The following LRP1B variants were observed in gnomAD, a reference collection of about 807,000 sequenced individuals.
LRP1B encodes the protein low-density lipoprotein receptor-related protein 1B.
LRP1B carries 217 observed loss-of-function variants against 556.6 expected under a neutral mutation model. That is an observed-to-expected ratio of 0.39 (90% confidence interval 0.35 to 0.44). The LOEUF is 0.44. LRP1B is among the 20% of genes least tolerant of loss of function. The pLI, the probability that LRP1B is intolerant of heterozygous loss-of-function variation, is 1.00. For missense variants in LRP1B, 5,053 were observed against 5,620.8 expected, an observed-to-expected ratio of 0.90 and a Z score of 3.23; for synonymous variants, 2,047 against 1,865.8, an observed-to-expected ratio of 1.10 and a Z score of -2.50.
rs564162250 is a variant in LRP1B at position 140,777,587 on chromosome 2, G to A, written c.5360-1349C>T. ...CAGTCCTTCTTTGTTAAACATCACAGGAAATCAAGGATCTCCAGCTCAATG... is the reference window on the plus strand; with the variant it reads ...CAGTCCTTCTTTGTTAAACATCACAAGAAATCAAGGATCTCCAGCTCAATG... On this transcript the variant is annotated intron_variant, in intron 32 of 90. Coordinates refer to ENST00000389484, the MANE Select transcript of LRP1B (RefSeq NM_018557.3). Among the ~76,000 whole-genome samples the A allele has an allele frequency of 3.9e-5, 6 of 152,154 alleles. No individual in the cohort carries two copies. The South Asian group carries it at 1.2e-3, about 32-fold the overall frequency.
Position 140,506,916 on chromosome 2 carries a change from G to A in LRP1B, c.8401C>T (p.Pro2801Ser), listed in dbSNP as rs1240481700. The A allele has an allele frequency of 1.2e-6, 2 of 1,613,208 alleles. No individual in the cohort carries two copies. The highest frequency in any genetic ancestry group is 1.1e-5 in the South Asian group (1 of 90,912). The change falls in exon 53 of 91, where the codon CCC becomes TCC. Residue 2801 changes from proline (P) to serine (S), a missense_variant and splice_region_variant. This residue lies in a region of LRP1B where 3,619 missense variants were observed against 3,931.9 expected (regional missense o/e 0.92). Coordinates refer to ENST00000389484, the MANE Select transcript of LRP1B (RefSeq NM_018557.3). ...GCATTTTCATCACATGTATTATTGG[G>A]AGCTAAGAAAGGCATCACAAAAAAT... ...SDELSTAGCA[P>S]NNTCDENAFM...
chr2:141,893,947 C>T (rs922515399), intron 1 of LRP1B, among the ~76,000 whole-genome samples: 1 of 151,768 alleles, frequency 6.6e-6, no homozygotes, highest in African/African-American at 2.4e-5. Flanking sequence ...TTCTTTCTCT[C>T]TCTTTCTCTC....
chr2:141,116,351 G>T (rs753949456), intron 7 of LRP1B, among the ~76,000 whole-genome samples: 5 of 152,146 alleles, frequency 3.3e-5, no homozygotes, highest in Non-Finnish European at 7.4e-5. Flanking sequence ...CAAATACTCA[G>T]TGTTGTTTTT....
At chr2:141,982,622 T>G (rs769570531) in intron 1 of LRP1B, among the ~76,000 whole-genome samples, 1 of 152,190 alleles carries the variant, frequency 6.6e-6, no homozygotes, top group Non-Finnish European at 1.5e-5. Context: ...GTGGGAAATA[T>G]TGAAGTATTA....
At chr2:141,399,502 T>A (rs1192704760) in intron 3 of LRP1B, among the ~76,000 whole-genome samples, 1 of 152,168 alleles carries the variant, frequency 6.6e-6, no homozygotes, top group Non-Finnish European at 1.5e-5. Flanking sequence ...ATCCCCAAAC[T>A]GCAGATCTTT....
At chr2:141,768,873 ATG>A (rs57439402) in intron 2 of LRP1B, among the ~76,000 whole-genome samples, 2 of 150,750 alleles carry the variant, frequency 1.3e-5, no homozygotes, top group East Asian at 1.9e-4. Context: ...AGATACAGAT[ATG>A]TGTGTGTGTG....
intron 2 of LRP1B, among the ~76,000 whole-genome samples, chr2:141,748,203 G>C (rs1253426218): frequency 6.6e-6 from 1 of 152,046 alleles, no homozygotes; most frequent in Non-Finnish European, 1.5e-5. Context: ...GTGTGACCTT[G>C]GGTAAATTAT....
At chr2:140,377,020 C>T (rs1386973337) in intron 68 of LRP1B, among the ~76,000 whole-genome samples, 3 of 152,072 alleles carry the variant, frequency 2.0e-5, no homozygotes, top group African/African-American at 4.8e-5. Context: ...ACCAGAGCAG[C>T]GGAGCTTTAG....
Position 140,501,860 on chromosome 2 carries a change from T to G in LRP1B, c.8677A>C (p.Ser2893Arg). 1 of 1,605,850 alleles carries G rather than the reference T, an allele frequency of 6.2e-7. No individual in the cohort carries two copies. Among genetic ancestry groups the G allele is most frequent in the Non-Finnish European group, 8.5e-7 (1 of 1,175,510 alleles). Residue 2893 changes from serine to arginine, a missense_variant, in exon 55 of 91, where the codon AGT (serine) becomes CGT (arginine). By Grantham distance (110) the Ser-to-Arg change is moderately radical. Around this residue, in one of 5 missense-constraint regions of LRP1B, gnomAD observed 3,619 missense variants for 3,931.9 expected, o/e 0.92. Transcript: ENST00000389484. ...KCKSAEQSCN[S>R]SFFMCKNGRC... ...CCATTTTTGCACATAAAAAATGAAC[T>G]GTTGCATGACTGTTCTGGAAAAAAA...
At chr2:141,279,687 C>G (rs765871570) in intron 3 of LRP1B, among the ~76,000 whole-genome samples, 11 of 152,194 alleles carry the variant, frequency 7.2e-5, no homozygotes, top group Admixed American at 1.3e-4. Context: ...ACAAGCTATC[C>G]TCTCAACGAA....
intron 1 of LRP1B, among the ~76,000 whole-genome samples, chr2:142,090,922 A>T (rs1332833941): frequency 6.6e-6 from 1 of 152,132 alleles, no homozygotes; most frequent in Non-Finnish European, 1.5e-5. Context: ...TTAATTTAAA[A>T]TAATAATTTG....
intron 25 of LRP1B, among the ~76,000 whole-genome samples, chr2:140,878,516 GAAAT>G (rs1468904587): frequency 6.6e-6 from 1 of 152,038 alleles, no homozygotes; most frequent in Non-Finnish European, 1.5e-5. Context: ...TAATGAATAT[GAAAT>G]AAATTAAATC....
At chr2:141,733,625 T>C (rs552690229) in intron 2 of LRP1B, among the ~76,000 whole-genome samples, 21 of 152,274 alleles carry the variant, frequency 1.4e-4, no homozygotes, top group African/African-American at 4.6e-4. Flanking sequence ...CTGATCCATC[T>C]ATTGCTTACG....
intron 1 of LRP1B, among the ~76,000 whole-genome samples, chr2:141,911,200 A>G (rs1699899654): frequency 1.3e-5 from 2 of 152,214 alleles, no homozygotes; most frequent in African/African-American, 4.8e-5. Flanking sequence ...GCTATGATAC[A>G]AATTAAATAT....
intron 3 of LRP1B, among the ~76,000 whole-genome samples, chr2:141,439,212 T>C (rs1573946127): frequency 6.6e-6 from 1 of 152,234 alleles, no homozygotes; most frequent in Non-Finnish European, 1.5e-5. Flanking sequence ...AAATCATTTA[T>C]TATGTACTAC....
intron 1 of LRP1B, among the ~76,000 whole-genome samples, chr2:142,045,262 T>A (rs72853692): frequency 0.071 from 10,752 of 151,830 alleles, 501 homozygotes; most frequent in Non-Finnish European, 0.094. Flanking sequence ...GATTTCTACT[T>A]TTAAATCACT....
At chr2:140,611,129 G>GAAT (rs1209875122) in intron 41 of LRP1B, among the ~76,000 whole-genome samples, 2 of 152,180 alleles carry the variant, frequency 1.3e-5, no homozygotes, top group Non-Finnish European at 2.9e-5. Flanking sequence ...TCTACAGGTA[G>GAAT]AATACTAGAA....
chr2:141,227,911 A>G (rs1351394832), intron 6 of LRP1B, among the ~76,000 whole-genome samples: 1 of 152,054 alleles, frequency 6.6e-6, no homozygotes, highest in African/African-American at 2.4e-5. Context: ...TTGATTGTAC[A>G]CATGTCTCTT....
chr2:140,247,091 C>T lies in LRP1B; in HGVS notation c.13319G>A (p.Ser4440Asn), dbSNP rs1269947097. The T allele has an allele frequency of 6.2e-7, 1 of 1,607,602 alleles. No homozygotes were observed. Among genetic ancestry groups the T allele is most frequent in the Non-Finnish European group, 8.5e-7 (1 of 1,175,296 alleles). The change falls in exon 87 of 91, where the codon AGC becomes AAC. Residue 4440 changes from serine (S) to asparagine (N), a missense_variant. Physicochemically the swap from Ser to Asn is conservative, Grantham distance 46 (BLOSUM62 1). Transcript: ENST00000389484. ...APKSSKSDHI[S>N]TRSIAIIVPL... The stretch of plus-strand genomic sequence containing the variant: ...TATTAATCTGAGAAACTTACTTGTG[C>T]TGATATGATCAGACTTGCTGCTCTT...
Sources: gnomAD v4.1 joint callset for allele counts (sites outside exome capture counted in the v4.1 genomes callset) on GRCh38, gnomAD v4.1.1 for gene constraint, gnomAD v4.1.1 regional missense constraint, MANE v1.5 for transcripts, NCBI Gene and HGNC (gene_info 2026-07-23, HGNC 2026-07-21) for gene names.